OSBPL10: variants seen among roughly 807,000 people sequenced by gnomAD.
OSBPL10 encodes the protein oxysterol binding protein like 10.
OSBPL10 carries 49 observed loss-of-function variants against 81.7 expected under a neutral mutation model. The ratio of observed to expected loss-of-function variants is 0.60; its 90% CI spans 0.48 to 0.76. OSBPL10 has a LOEUF of 0.76. Ranked by LOEUF, OSBPL10 falls within the 30% of genes least tolerant of loss-of-function variation. The pLI, the probability that OSBPL10 is intolerant of heterozygous loss-of-function variation, is 0.00. For synonymous variants in OSBPL10, 419 were observed against 383.6 expected, an observed-to-expected ratio of 1.09 and a Z score of -1.08; for missense variants, 923 against 987.8, an observed-to-expected ratio of 0.93 and a Z score of 0.88.
At chr3:31,728,016 A>C (rs1258600926) in intron 6 of OSBPL10, among the ~76,000 whole-genome samples, 1 of 152,226 alleles carries the variant, frequency 6.6e-6, no homozygotes, top group Non-Finnish European at 1.5e-5. Context: ...TAAATCTTTT[A>C]TATCAGTCTC....
intron 2 of OSBPL10, among the ~76,000 whole-genome samples, chr3:32,018,322 G>A (rs1476609343): frequency 6.6e-6 from 1 of 152,050 alleles, no homozygotes; most frequent in Non-Finnish European, 1.5e-5. Flanking sequence ...GACGAGATGT[G>A]GGAACAAAGC....
chr3:31,807,982 G>T (rs1699564852), intron 4 of OSBPL10, among the ~76,000 whole-genome samples: 1 of 152,140 alleles, frequency 6.6e-6, no homozygotes, highest in African/African-American at 2.4e-5. Flanking sequence ...TATGTATAAA[G>T]AATAACAGAG....
At chr3:31,830,009 C>T (rs748857539) in intron 4 of OSBPL10, 31 bp downstream of exon 4, 3 of 1,582,536 alleles carry the variant, frequency 1.9e-6, no homozygotes, top group Non-Finnish European at 2.6e-6. Context: ...CTCCCCGGGG[C>T]TGCTTAACCT....
At chr3:31,733,571 T>C (rs1040810153) in intron 5 of OSBPL10, among the ~76,000 whole-genome samples, 160 bp from the exon 6 acceptor site, 1 of 152,080 alleles carries the variant, frequency 6.6e-6, no homozygotes, top group Non-Finnish European at 1.5e-5. Flanking sequence ...CAGATTCTGA[T>C]CATCTGTTGA....
intron 9 of OSBPL10, 90 bp from the exon 10 acceptor site, chr3:31,668,914 T>C (rs1049182772): frequency 3.4e-5 from 43 of 1,249,544 alleles, no homozygotes; most frequent in Non-Finnish European, 4.6e-5. Context: ...ATTTTTTTTT[T>C]TAATCAGAAA....
intron 2 of OSBPL10, chr3:32,046,088 T>C (rs903084410): frequency 6.6e-5 from 10 of 152,332 alleles, no homozygotes; most frequent in African/African-American, 2.4e-4. Flanking sequence ...ATTGCAAAAA[T>C]GGGGCCCTCA....
At chr3:31,958,899 C>A (rs1045811799) in intron 1 of OSBPL10, among the ~76,000 whole-genome samples, 4 of 152,038 alleles carry the variant, frequency 2.6e-5, no homozygotes, top group African/African-American at 9.7e-5. Context: ...TGACTCTTTA[C>A]AAAAAAACCT....
chr3:31,718,393 C>G (rs902293709), intron 6 of OSBPL10: 1 of 152,218 alleles, frequency 6.6e-6, no homozygotes, highest in South Asian at 2.1e-4. Context: ...TCCCAAAGTG[C>G]TGGGATTACA....
At chr3:31,833,268 A>T (rs1210592556) in intron 3 of OSBPL10, among the ~76,000 whole-genome samples, 2 of 152,178 alleles carry the variant, frequency 1.3e-5, no homozygotes, top group Admixed American at 6.5e-5. Flanking sequence ...TTCTTCATAC[A>T]CACACCTCTA....
chr3:31,952,679 G>C (rs1480962338), intron 1 of OSBPL10, among the ~76,000 whole-genome samples: 2 of 152,194 alleles, frequency 1.3e-5, no homozygotes, highest in African/African-American at 4.8e-5. Context: ...GTGGCACTTG[G>C]AATCAGACTG....
chr3:31,946,386 ATTAAG>A (rs1277132902), intron 1 of OSBPL10, among the ~76,000 whole-genome samples: 3 of 142,554 alleles, frequency 2.1e-5, no homozygotes, highest in Admixed American at 7.1e-5. Flanking sequence ...TAAGAATTTT[ATTAAG>A]TTGTTTTTTA....
At chr3:31,771,483 AATT>A (rs1159394466) in intron 4 of OSBPL10, among the ~76,000 whole-genome samples, 2 of 152,082 alleles carry the variant, frequency 1.3e-5, no homozygotes, top group African/African-American at 4.8e-5. Flanking sequence ...ATAAAGAAGG[AATT>A]ATTAACAGGA....
At chr3:31,831,851 G>A (rs1700251200) in intron 3 of OSBPL10, among the ~76,000 whole-genome samples, 1 of 152,122 alleles carries the variant, frequency 6.6e-6, no homozygotes, top group Non-Finnish European at 1.5e-5. Flanking sequence ...TCTCCCCCTG[G>A]CTCCAGCAAT....
At chr3:31,863,331 G>A (rs1440709558) in intron 3 of OSBPL10, among the ~76,000 whole-genome samples, 3 of 152,088 alleles carry the variant, frequency 2.0e-5, no homozygotes, top group African/African-American at 4.8e-5. Context: ...TTTTAGGAAC[G>A]ATAAAATATC....
intron 9 of OSBPL10, among the ~76,000 whole-genome samples, chr3:31,670,396 T>G (rs1051194925): frequency 6.6e-6 from 1 of 152,242 alleles, no homozygotes; most frequent in Non-Finnish European, 1.5e-5. Context: ...GATCTTGACC[T>G]CATGGATGCA....
intron 6 of OSBPL10, chr3:31,732,546 A>G (rs1340932990): frequency 6.6e-6 from 1 of 152,348 alleles, no homozygotes; most frequent in Non-Finnish European, 1.5e-5. Flanking sequence ...CATGTGCATC[A>G]AAAGAACAAG....
chr3:31,754,479 G>T (rs924648025), intron 4 of OSBPL10, among the ~76,000 whole-genome samples: 1 of 152,066 alleles, frequency 6.6e-6, no homozygotes, highest in Non-Finnish European at 1.5e-5. Context: ...AAGAAGAAAG[G>T]AAAAGACACA....
intron 3 of OSBPL10, among the ~76,000 whole-genome samples, chr3:31,861,280 C>T (rs1575587845): frequency 1.3e-5 from 2 of 152,238 alleles, no homozygotes; most frequent in South Asian, 4.2e-4. Context: ...GCAAAATTCA[C>T]AGATGCCCAA....
chr3:31,724,459 C>T (rs1267263230), intron 6 of OSBPL10, among the ~76,000 whole-genome samples: 1 of 152,084 alleles, frequency 6.6e-6, no homozygotes, highest in East Asian at 1.9e-4. Context: ...AGTGTCGAAA[C>T]CCATTAAAAG....
Sources: gnomAD v4.1 joint callset for allele counts (sites outside exome capture counted in the v4.1 genomes callset) on GRCh38, gnomAD v4.1.1 for gene constraint, MANE v1.5 for transcripts, NCBI Gene and HGNC (gene_info 2026-07-23, HGNC 2026-07-21) for gene names.